Variants in LMX1A observed in about 807,000 individuals in gnomAD.
LMX1A encodes LIM homeobox transcription factor 1-alpha.
A neutral mutation model predicts 49.1 loss-of-function variants in LMX1A; 15 were observed. The observed-to-expected ratio is 0.31, with a 90% CI of 0.20 to 0.47. The LOEUF is 0.47. Among genes scored for constraint, LMX1A ranks in the 20% least tolerant of loss-of-function variants. The probability of loss-of-function intolerance (pLI) is 1.00; values close to 1 mark genes in which losing one functional copy is unlikely to be tolerated. For synonymous variants in LMX1A, 167 were observed against 185.7 expected, an observed-to-expected ratio of 0.90 and a Z score of 0.82; for missense variants, 372 against 475.8, an observed-to-expected ratio of 0.78 and a Z score of 2.03.
intron 2 of LMX1A, among the ~76,000 whole-genome samples, chr1:165,354,621 T>C (rs1340391644): frequency 6.6e-6 from 1 of 152,060 alleles, no homozygotes; most frequent in East Asian, 1.9e-4. Context: ...CTGGATTTGG[T>C]TTCTCCAGCA....
At chr1:165,212,481 A>C (rs111640816) in intron 5 of LMX1A, among the ~76,000 whole-genome samples, 16 of 149,064 alleles carry the variant, frequency 1.1e-4, no homozygotes, top group Non-Finnish European at 2.2e-4. Context: ...AAAAGAAAAT[A>C]CATGTTTGTT....
At chr1:165,252,182 C>G (rs886341013) in intron 3 of LMX1A, among the ~76,000 whole-genome samples, 1 of 152,210 alleles carries the variant, frequency 6.6e-6, no homozygotes, top group Admixed American at 6.5e-5. Flanking sequence ...TTTATATACT[C>G]TCACACATGG....
At chr1:165,260,930 A>G (rs140700866) in intron 3 of LMX1A, among the ~76,000 whole-genome samples, 4 of 152,322 alleles carry the variant, frequency 2.6e-5, no homozygotes, top group Admixed American at 2.6e-4. Context: ...AGCACATGCA[A>G]TCTTGTGTAA....
At chr1:165,289,163 G>A (rs965224659) in intron 3 of LMX1A, among the ~76,000 whole-genome samples, 12 of 152,024 alleles carry the variant, frequency 7.9e-5, no homozygotes, top group Admixed American at 7.2e-4. Flanking sequence ...AGGGGGTAAG[G>A]GTATTGTTGA....
At chr1:165,227,339 A>G (rs759433690) in intron 4 of LMX1A, among the ~76,000 whole-genome samples, 6 of 152,104 alleles carry the variant, frequency 3.9e-5, no homozygotes, top group Non-Finnish European at 7.4e-5. Context: ...GGAGTTTAAG[A>G]CCAGCCTAGG....
At chr1:165,226,529 G>A (rs1362719651) in intron 4 of LMX1A, among the ~76,000 whole-genome samples, 10 of 152,172 alleles carry the variant, frequency 6.6e-5, no homozygotes, top group Non-Finnish European at 2.9e-5. Flanking sequence ...GTGAGATCTA[G>A]AGCAAGAGAT....
At chr1:165,335,603 AT>A (rs1194112439) in intron 3 of LMX1A, among the ~76,000 whole-genome samples, 1 of 152,206 alleles carries the variant, frequency 6.6e-6, no homozygotes, top group Non-Finnish European at 1.5e-5. Context: ...TTACCAACAA[AT>A]GATCACAATT....
chr1:165,280,708 G>A (rs1160424408), intron 3 of LMX1A, among the ~76,000 whole-genome samples: 3 of 152,132 alleles, frequency 2.0e-5, no homozygotes, highest in African/African-American at 7.2e-5. Context: ...TATTGCATAG[G>A]GTATAAGACT....
At chr1:165,306,440 A>G (rs1654922500) in intron 3 of LMX1A, among the ~76,000 whole-genome samples, 1 of 152,078 alleles carries the variant, frequency 6.6e-6, no homozygotes, top group Non-Finnish European at 1.5e-5. Flanking sequence ...CAATACCTGG[A>G]CCCCGCCTGA....
intron 3 of LMX1A, among the ~76,000 whole-genome samples, chr1:165,318,591 C>A (rs145221713): frequency 2.7e-3 from 416 of 152,290 alleles, no homozygotes; most frequent in Admixed American, 2.8e-3. Context: ...CTGTTAAGAG[C>A]TGCCCATTTG....
chr1:165,265,635 G>A (rs969529065), intron 3 of LMX1A, among the ~76,000 whole-genome samples: 3 of 152,194 alleles, frequency 2.0e-5, no homozygotes, highest in Non-Finnish European at 2.9e-5. Context: ...CTGTACCAAT[G>A]AGAGCTACCC....
chr1:165,337,619 T>G (rs1027275168), intron 3 of LMX1A, among the ~76,000 whole-genome samples: 7 of 152,182 alleles, frequency 4.6e-5, no homozygotes, highest in Admixed American at 2.0e-4. Context: ...CATTCCCTAT[T>G]GCAGAGCTGC....
At chr1:165,277,315 C>T (rs773373633) in intron 3 of LMX1A, among the ~76,000 whole-genome samples, 9 of 152,314 alleles carry the variant, frequency 5.9e-5, no homozygotes, top group Non-Finnish European at 1.0e-4. Context: ...GTCTTGGCAT[C>T]GGCCCACCTC....
chr1:165,206,912 G>T (rs182726981), intron 7 of LMX1A, among the ~76,000 whole-genome samples: 1 of 152,072 alleles, frequency 6.6e-6, no homozygotes, highest in South Asian at 2.1e-4. Context: ...GGAACTCTTG[G>T]CTGCAAGAGT....
intron 3 of LMX1A, among the ~76,000 whole-genome samples, chr1:165,331,424 G>A (rs1164448050): frequency 6.6e-6 from 1 of 152,192 alleles, no homozygotes; most frequent in Non-Finnish European, 1.5e-5. Flanking sequence ...AATGTGGCAT[G>A]TAACTAAAGA....
At chr1:165,249,328 T>C in intron 4 of LMX1A, 80 bp downstream of exon 4, 2 of 984,022 alleles carry the variant, frequency 2.0e-6, no homozygotes, top group Non-Finnish European at 3.2e-6. Context: ...GCTGGCCATC[T>C]AGGGAAGAAA....
intron 3 of LMX1A, among the ~76,000 whole-genome samples, chr1:165,268,999 T>C (rs1166046027): frequency 6.6e-6 from 1 of 152,242 alleles, no homozygotes; most frequent in Non-Finnish European, 1.5e-5. Flanking sequence ...TGGCCTCTTC[T>C]AGAGTCTAGA....
chr1:165,300,053 C>T (rs1484524246), intron 3 of LMX1A, among the ~76,000 whole-genome samples: 1 of 152,108 alleles, frequency 6.6e-6, no homozygotes, highest in African/African-American at 2.4e-5. Flanking sequence ...CTTTCTCAGA[C>T]CCTTTTGGGA....
chr1:165,316,211 GAC>G (rs369221264), intron 3 of LMX1A, among the ~76,000 whole-genome samples: 110 of 152,322 alleles, frequency 7.2e-4, no homozygotes, highest in African/African-American at 2.3e-3. Context: ...TGTTGTGTGA[GAC>G]ACAGTGCACA....
Sources: allele counts gnomAD v4.1 joint callset (sites outside exome capture counted in the v4.1 genomes callset), GRCh38; gene constraint gnomAD v4.1.1; transcripts MANE v1.5; gene names NCBI Gene and HGNC (gene_info 2026-07-23, HGNC 2026-07-21).